MYH11: variants seen among roughly 807,000 people sequenced by gnomAD.
MYH11 encodes the protein myosin-11.
A neutral mutation model predicts 246.6 loss-of-function variants in MYH11; 80 were observed. The ratio of observed to expected loss-of-function variants is 0.32; its 90% CI spans 0.27 to 0.39. The LOEUF (loss-of-function observed/expected upper bound fraction) is 0.39, where lower values mean the gene tolerates loss of function less well. Ranked by LOEUF, MYH11 falls within the 10% of genes least tolerant of loss-of-function variation. MYH11 has a pLI of 1.00. For missense variants in MYH11, 2,158 were observed against 2,546.8 expected (o/e 0.85, Z 3.29); for synonymous variants, 1,071 against 1,015.5 (o/e 1.05, Z -1.04).
intron 40 of MYH11, 102 bp downstream of exon 40, chr16:15,714,807 G>T: frequency 7.2e-7 from 1 of 1,394,904 alleles, no homozygotes; most frequent in Admixed American, 1.7e-5. Flanking sequence ...GGGAGTGGCG[G>T]CTGTGGGCAC....
At chr16:15,717,000 A>C (rs928656620) in intron 38 of MYH11, 140 bp downstream of exon 38, 5 of 963,070 alleles carry the variant, frequency 5.2e-6, no homozygotes, top group African/African-American at 4.8e-5. Context: ...AGTTCTCACA[A>C]CATACCTGCA....
chr16:15,803,309 C>T (rs1388370491), intron 3 of MYH11, among the ~76,000 whole-genome samples: 2 of 149,940 alleles, frequency 1.3e-5, no homozygotes, highest in Admixed American at 6.6e-5. Flanking sequence ...TGGAGTCTCG[C>T]TCTGTCACCC....
At chr16:15,719,830 TC>T in intron 34 of MYH11, 117 bp from the exon 35 acceptor site, 2 of 1,435,400 alleles carry the variant, frequency 1.4e-6, no homozygotes, top group Non-Finnish European at 1.9e-6. Context: ...ACAAAGAAGT[TC>T]CCATTGCACG....
chr16:15,823,206 C>G, intron 3 of MYH11, 49 bp downstream of exon 3: 2 of 1,612,232 alleles, frequency 1.2e-6, no homozygotes, highest in Admixed American at 3.3e-5. Context: ...ACAAGCAGGA[C>G]AGGAGGGGCT....
intron 9 of MYH11, among the ~76,000 whole-genome samples, chr16:15,770,913 G>C (rs999347905): frequency 4.6e-5 from 7 of 152,044 alleles, no homozygotes; most frequent in Non-Finnish European, 8.8e-5. Flanking sequence ...CAATGTAGTC[G>C]AGAGAGATAG....
At position 15,721,532 on chromosome 16, in the gene MYH11, G is replaced by A. The variant is rs1052648046; in HGVS notation, c.4468C>T (p.Arg1490Trp). 4.3e-6 allele frequency: 7 copies of A among 1,614,186 alleles called. No homozygotes were observed. Among genetic ancestry groups the A allele is most frequent in the South Asian group, 1.1e-5 (1 of 91,086 alleles). ...GCTTCCAAGGCCTCTTCAAGGGCCC[G>A]AGCCAGGGACAGGGCCTTGGTTTCC... ...EKETKALSLA[R>W]ALEEALEAKE... The change falls in exon 32 of 41, where the codon CGG becomes TGG. Residue 1490 changes from arginine (R) to tryptophan (W), a missense_variant. Arg to Trp is a moderately radical substitution (Grantham distance 101). This residue lies in a region of MYH11 where 1,013 missense variants were observed against 993.5 expected (regional missense o/e 1.02). Transcript: ENST00000300036.
chr16:15,787,126 G>C (rs1352452203), intron 4 of MYH11, among the ~76,000 whole-genome samples: 2 of 152,036 alleles, frequency 1.3e-5, no homozygotes, highest in Non-Finnish European at 2.9e-5. Flanking sequence ...TTAAAAATTA[G>C]CCAGGCATGG....
At chr16:15,767,387 A>C (rs1387904541) in intron 9 of MYH11, among the ~76,000 whole-genome samples, 1 of 152,190 alleles carries the variant, frequency 6.6e-6, no homozygotes, top group African/African-American at 2.4e-5. Context: ...AGTAGGTGAT[A>C]AAGAGTGGAA....
chr16:15,708,972 AG>A (rs746655252), intron 40 of MYH11: 1 of 985,142 alleles, frequency 1.0e-6, no homozygotes, highest in Non-Finnish European at 1.6e-6. Context: ...ATTTTGAGAT[AG>A]TCTCTGTCAC....
chr16:15,850,151 G>A (rs1210467309), intron 1 of MYH11, among the ~76,000 whole-genome samples: 2 of 152,166 alleles, frequency 1.3e-5, no homozygotes, highest in Non-Finnish European at 2.9e-5. Context: ...TCGGGAGGCC[G>A]AGGCAGGCGG....
chr16:15,716,055 C>T (rs530441141), intron 38 of MYH11, among the ~76,000 whole-genome samples: 2 of 152,058 alleles, frequency 1.3e-5, no homozygotes, highest in South Asian at 2.1e-4. Flanking sequence ...GAGCTGAGAT[C>T]GCACCACTGC....
chr16:15,847,246 C>CTTTTTT (rs545966682), intron 1 of MYH11, among the ~76,000 whole-genome samples: 2 of 112,282 alleles, frequency 1.8e-5, no homozygotes, highest in Admixed American at 9.5e-5. Flanking sequence ...AAGTGGACTT[C>CTTTTTT]TTTTTTTTTT....
chr16:15,710,903 C>T (rs2039752360), intron 40 of MYH11, among the ~76,000 whole-genome samples: 1 of 152,176 alleles, frequency 6.6e-6, no homozygotes, highest in South Asian at 2.1e-4. Flanking sequence ...GTCTCGAACT[C>T]CTGACCTCAG....
intron 3 of MYH11, among the ~76,000 whole-genome samples, chr16:15,800,248 A>G (rs1596861839): frequency 6.6e-6 from 1 of 151,868 alleles, no homozygotes; most frequent in African/African-American, 2.4e-5. Flanking sequence ...GAATGGATGG[A>G]TAGGTAAATG....
At chr16:15,749,192 C>T (rs926642111) in intron 16 of MYH11, 2 of 151,052 alleles carry the variant, frequency 1.3e-5, no homozygotes, top group Admixed American at 1.3e-4. Flanking sequence ...CTCTGCTGCC[C>T]AGGCTGGAAT....
intron 28 of MYH11, 181 bp downstream of exon 28, chr16:15,726,667 C>T: frequency 1.3e-6 from 1 of 756,980 alleles, no homozygotes; most frequent in East Asian, 2.7e-5. Flanking sequence ...CGTGCCTGGC[C>T]AGAAGGTTTT....
rs760611400 is a variant in MYH11, at chr16:15,724,323, G to C, written c.4203C>G (p.Ile1401Met). The C allele has an allele frequency of 6.2e-7, 1 of 1,614,088 alleles. No individual in the cohort carries two copies. The highest frequency in any genetic ancestry group is 8.5e-7 in the Non-Finnish European group (1 of 1,180,034). Reference sequence around the variant, plus strand: ...CCTCGTACTGCTGGGTGAGGTTCTCGATCTCCTTCTGGAACCTCTTCTTCC... The same window carrying C: ...CCTCGTACTGCTGGGTGAGGTTCTCCATCTCCTTCTGGAACCTCTTCTTCC... ...EEGKKRFQKEIENLTQQYEEK... is the reference protein window; with the variant it reads ...EEGKKRFQKEMENLTQQYEEK... The change falls in exon 31 of 41, where the codon ATC becomes ATG. Residue 1401 changes from isoleucine (I) to methionine (M), a missense_variant. Coordinates refer to ENST00000300036, the MANE Select transcript of MYH11 (RefSeq NM_002474.3).
chr16:15,738,442 G>T, intron 24 of MYH11, 123 bp downstream of exon 24: 1 of 918,938 alleles, frequency 1.1e-6, no homozygotes, highest in Non-Finnish European at 1.6e-6. Flanking sequence ...GAGCTTAGGA[G>T]TTTCGGGCTG....
rs2040909597 is a variant in MYH11, at chr16:15,729,903, G to C, written c.3651+2661C>G. 3.3e-5 allele frequency among the ~76,000 whole-genome samples: 5 copies of C among 152,002 alleles called. No homozygotes were observed. In the South Asian group the frequency reaches 1.0e-3, roughly 31 times the overall value. Reference sequence around the variant, plus strand: ...GGGTTTCACTATGTTGGTCAGGCTAGTCTTGAACTCCTGACTTGGTGATCC... The same window carrying C: ...GGGTTTCACTATGTTGGTCAGGCTACTCTTGAACTCCTGACTTGGTGATCC... On this transcript the variant is annotated intron_variant, in intron 27 of 40. Coordinates refer to ENST00000300036, the MANE Select transcript of MYH11 (RefSeq NM_002474.3).
Sources: gnomAD v4.1 joint callset for allele counts (sites outside exome capture counted in the v4.1 genomes callset) on GRCh38, gnomAD v4.1.1 for gene constraint, gnomAD v4.1.1 regional missense constraint, MANE v1.5 for transcripts, NCBI Gene and HGNC (gene_info 2026-07-23, HGNC 2026-07-21) for gene names.